Variants in APBB2 observed in about 807,000 individuals in gnomAD.
APBB2 encodes Fe65-like 1.
In APBB2, 38 loss-of-function variants were observed where a neutral mutation model predicts 82.5. The ratio of observed to expected loss-of-function variants is 0.46; its 90% CI spans 0.36 to 0.60. The LOEUF is 0.60. APBB2 is among the 20% of genes least tolerant of loss of function. APBB2 has a pLI of 0.00. For synonymous variants in APBB2, 341 were observed against 368.2 expected (o/e 0.93, Z 0.85); for missense variants, 772 against 972.3 (o/e 0.79, Z 2.74).
In APBB2 at chr4:40,852,272, AC is replaced by A. The variant is rs1339495182; in HGVS notation, c.1530-21696del. On this transcript the variant is annotated intron_variant, in intron 12 of 17. Coordinates refer to ENST00000508593, the MANE Select transcript of APBB2 (RefSeq NM_004307.2). ...AGGCTGAGGCAGGAGAATCGCTTGA[AC>A]CCGGGAGGCGAAGGCTGCAGGGGGC... 9.4e-4 allele frequency among the ~76,000 whole-genome samples: 140 copies of A among 148,638 alleles called. 1 individual carries two copies. The highest frequency in any genetic ancestry group is 3.4e-3 in the African/African-American group (135 of 40,254).
chr4:40,855,158 G>C (rs535633720), intron 12 of APBB2, among the ~76,000 whole-genome samples: 42 of 152,292 alleles, frequency 2.8e-4, no homozygotes, highest in African/African-American at 9.9e-4. Context: ...ATCAGCAGCA[G>C]TATCTTCTTG....
chr4:41,016,719 A>G (rs62412118), intron 5 of APBB2, among the ~76,000 whole-genome samples: 49 of 151,722 alleles, frequency 3.2e-4, no homozygotes, highest in African/African-American at 1.2e-3. Context: ...CCATTACCCT[A>G]TCAGGGGCCA....
chr4:40,845,588 C>CAAAAA lies in APBB2; in HGVS notation c.1530-15016_1530-15012dup, dbSNP rs71198606. On this transcript the variant is annotated intron_variant, in intron 12 of 17. Coordinates refer to ENST00000508593, the MANE Select transcript of APBB2 (RefSeq NM_004307.2). ...GAATCCAAATGAAAAGGAAATTCCT[C>CAAAAA]AAAAAAAAAAAAAAAAAAAAAAAAA... 3.5e-4 allele frequency among the ~76,000 whole-genome samples: 20 copies of CAAAAA among 56,478 alleles called. 4 individuals carry two copies. The highest frequency in any genetic ancestry group is 1.3e-3 in the African/African-American group (17 of 13,188). 37.1% of individuals were successfully genotyped at this position (56,478 alleles called of 152,430 possible).
chr4:41,204,179 C>T (rs1456921707), intron 1 of APBB2, among the ~76,000 whole-genome samples: 1 of 152,184 alleles, frequency 6.6e-6, no homozygotes, highest in Non-Finnish European at 1.5e-5. Context: ...GTCGTAAGAA[C>T]GAGATGGAAA....
intron 12 of APBB2, among the ~76,000 whole-genome samples, chr4:40,871,693 T>C (rs1765562899): frequency 1.3e-5 from 2 of 152,252 alleles, no homozygotes; most frequent in South Asian, 4.1e-4. Context: ...AAAGGACTAA[T>C]GGAGATAGAC....
intron 6 of APBB2, among the ~76,000 whole-genome samples, chr4:40,993,361 CTTTTTTTTTTTTT>C (rs34787320): frequency 4.4e-5 from 5 of 114,618 alleles, no homozygotes; most frequent in African/African-American, 1.4e-4. Context: ...ACTCTTCTCT[CTTTTTTTTTTTTT>C]TTTTTTTTTT....
At chr4:41,207,257 CCTT>C (rs923897153) in intron 1 of APBB2, among the ~76,000 whole-genome samples, 2 of 150,684 alleles carry the variant, frequency 1.3e-5, no homozygotes, top group African/African-American at 4.9e-5. Context: ...TTTTGACACT[CCTT>C]CTTCACCCCA....
chr4:41,178,363 T>C (rs1454250204), intron 1 of APBB2, among the ~76,000 whole-genome samples: 1 of 152,150 alleles, frequency 6.6e-6, no homozygotes, highest in Non-Finnish European at 1.5e-5. Context: ...TCTACATACA[T>C]CTACAGGAGA....
chr4:40,976,692 C>T (rs1797248073), intron 6 of APBB2, among the ~76,000 whole-genome samples: 1 of 152,160 alleles, frequency 6.6e-6, no homozygotes, highest in African/African-American at 2.4e-5. Flanking sequence ...TAAACAGACA[C>T]AGCACTGGGG....
At position 40,958,586 on chromosome 4, in the gene APBB2, T is replaced by C. The variant is rs531931667; in HGVS notation, c.836-13513A>G. On this transcript the variant is annotated intron_variant, in intron 6 of 17. Coordinates refer to ENST00000508593, the MANE Select transcript of APBB2 (RefSeq NM_004307.2). ...AGAATGGTCTTGAAATCAGCAATTT[T>C]TGATAATCTTCTATCTCTCTCCCTT... 4.6e-5 allele frequency among the ~76,000 whole-genome samples: 7 copies of C among 152,236 alleles called. No individual in the cohort carries two copies. In the South Asian group the frequency reaches 1.5e-3, roughly 32 times the overall value.
intron 12 of APBB2, among the ~76,000 whole-genome samples, chr4:40,889,839 C>A (rs893997312): frequency 4.6e-5 from 7 of 152,216 alleles, no homozygotes; most frequent in African/African-American, 9.6e-5. Context: ...TATGACCAGA[C>A]CTTTCAAGTG....
intron 12 of APBB2, among the ~76,000 whole-genome samples, chr4:40,838,374 C>T (rs1448385978): frequency 1.5e-4 from 19 of 128,452 alleles, no homozygotes; most frequent in African/African-American, 4.9e-4. Context: ...CTCGCTCTGT[C>T]GCCCTGGCTG....
intron 2 of APBB2, among the ~76,000 whole-genome samples, chr4:41,122,204 G>A (rs1192695974): frequency 6.6e-6 from 1 of 152,170 alleles, no homozygotes; most frequent in Non-Finnish European, 1.5e-5. Context: ...AAGATTACCA[G>A]TGTGAGCCAC....
chr4:40,829,600 A>C lies in APBB2; in HGVS notation c.1644+863T>G, dbSNP rs1029713111. On this transcript the variant is annotated intron_variant, in intron 13 of 17. Transcript: ENST00000508593. Reference sequence around the variant, plus strand: ...AAGATTTCGGGTCAACATAAAGAAGAAATCTGTAACAGCCAGAGCTGCTTG... The same window carrying C: ...AAGATTTCGGGTCAACATAAAGAAGCAATCTGTAACAGCCAGAGCTGCTTG... Among the ~76,000 whole-genome samples, 6 of 152,182 alleles carry C rather than the reference A, an allele frequency of 3.9e-5. 1 individual carries two copies. In the South Asian group the frequency reaches 1.3e-3, roughly 32 times the overall value.
intron 16 of APBB2, among the ~76,000 whole-genome samples, 159 bp downstream of exon 16, chr4:40,823,485 T>G (rs775098498): frequency 1.3e-5 from 2 of 152,230 alleles, no homozygotes; most frequent in Admixed American, 1.3e-4. Context: ...TGCACAGATT[T>G]AGACCCAGAC....
chr4:41,036,406 G>T (rs1342228279), intron 4 of APBB2, among the ~76,000 whole-genome samples: 1 of 152,104 alleles, frequency 6.6e-6, no homozygotes, highest in African/African-American at 2.4e-5. Context: ...TAGACATTCT[G>T]CTAATGACTT....
intron 2 of APBB2, among the ~76,000 whole-genome samples, chr4:41,120,080 C>G (rs1752344899): frequency 6.6e-6 from 1 of 152,162 alleles, no homozygotes; most frequent in East Asian, 1.9e-4. Flanking sequence ...GAAGTCAAGA[C>G]ACAGAACTCA....
In APBB2 at chr4:40,857,279, T is replaced by TAGGTGCTCCCGCC. The variant is rs1376135877; in HGVS notation, c.1530-26715_1530-26703dup. The TAGGTGCTCCCGCC allele has an allele frequency of 1.9e-5, 12 of 633,194 alleles. No homozygotes were observed. In the East Asian group the frequency reaches 9.8e-4, roughly 52 times the overall value. 39.2% of individuals were successfully genotyped at this position (633,194 alleles called of 1,614,324 possible). A position where few individuals can be genotyped will look rare whatever the true frequency, so the allele number is the denominator to read the frequency against. ...CCGCACTCCCGTGAAGTGCTCCCGC[T>TAGGTGCTCCCGCC]AGGTGCTCCCGCCAGATGCTCCAGC... On this transcript the variant is annotated intron_variant, in intron 12 of 17. Coordinates refer to ENST00000508593, the MANE Select transcript of APBB2 (RefSeq NM_004307.2).
intron 4 of APBB2, among the ~76,000 whole-genome samples, chr4:41,039,797 C>A (rs1293900150): frequency 6.7e-6 from 1 of 148,590 alleles, no homozygotes; most frequent in South Asian, 2.1e-4. Flanking sequence ...GAGTTCAGTG[C>A]TGCAGTGAGT....
Sources: allele counts gnomAD v4.1 joint callset (sites outside exome capture counted in the v4.1 genomes callset), GRCh38; gene constraint gnomAD v4.1.1; transcripts MANE v1.5; gene names NCBI Gene and HGNC (gene_info 2026-07-23, HGNC 2026-07-21).